The following SLIT2 variants were observed in gnomAD, a reference collection of about 807,000 sequenced individuals.
SLIT2 encodes the protein slit guidance ligand 2.
A neutral mutation model predicts 185.7 loss-of-function variants in SLIT2; 41 were observed. The observed-to-expected ratio is 0.22, with a 90% confidence interval of 0.17 to 0.29. The LOEUF is 0.29. SLIT2 is among the 10% of genes least tolerant of loss of function. The pLI is 1.00. For missense variants in SLIT2, 1,571 were observed against 1,909.0 expected, an observed-to-expected ratio of 0.82 and a Z score of 3.30; for synonymous variants, 693 against 680.2, an observed-to-expected ratio of 1.02 and a Z score of -0.29.
At chr4:20,397,434 C>G (rs1171510111) in intron 4 of SLIT2, among the ~76,000 whole-genome samples, 5 of 151,800 alleles carry the variant, frequency 3.3e-5, no homozygotes, top group Admixed American at 2.6e-4. Flanking sequence ...TAGTTCACTG[C>G]TTCTCAAAGC....
At chr4:20,297,535 A>T (rs1183339186) in intron 4 of SLIT2, among the ~76,000 whole-genome samples, 1 of 152,186 alleles carries the variant, frequency 6.6e-6, no homozygotes, top group Non-Finnish European at 1.5e-5. Context: ...GTGTTTTCTA[A>T]CCAGCAAAAT....
At chr4:20,593,932 C>G (rs1265027615) in intron 30 of SLIT2, among the ~76,000 whole-genome samples, 2 of 147,628 alleles carry the variant, frequency 1.4e-5, no homozygotes, top group Admixed American at 6.7e-5. Context: ...CACATATATA[C>G]ATACACTGCT....
chr4:20,326,074 T>G (rs1719560763), intron 4 of SLIT2, among the ~76,000 whole-genome samples: 2 of 152,112 alleles, frequency 1.3e-5, no homozygotes, highest in Non-Finnish European at 2.9e-5. Context: ...TTTTACTCTG[T>G]CTGTGCCCTT....
intron 9 of SLIT2, among the ~76,000 whole-genome samples, chr4:20,501,194 T>G (rs1718698301): frequency 6.6e-6 from 1 of 152,200 alleles, no homozygotes; most frequent in African/African-American, 2.4e-5. Flanking sequence ...AAAGAAAATA[T>G]TTTGGCTTCC....
At chr4:20,267,496 G>A (rs1193391316) in intron 3 of SLIT2, among the ~76,000 whole-genome samples, 2 of 151,872 alleles carry the variant, frequency 1.3e-5, no homozygotes, top group Non-Finnish European at 1.5e-5. Flanking sequence ...ATGGAAAGAA[G>A]TTCTGAAGTT....
Position 20,529,009 on chromosome 4 carries a change from A to G in SLIT2, c.1523A>G (p.Glu508Gly), listed in dbSNP as rs1721551521. The G allele has an allele frequency of 6.2e-7, 1 of 1,613,924 alleles. No homozygotes were observed. Among genetic ancestry groups the G allele is most frequent in the Non-Finnish European group, 8.5e-7 (1 of 1,179,894 alleles). ...GDCFADLACP[E>G]KCRCEGTTVD... is the part of the protein sequence containing the mutation. Reference sequence around the variant, plus strand: ...TGCTTTGCGGATCTGGCTTGCCCTGAAAAGTGTCGCTGTGAAGGAACCACA... The same window carrying G: ...TGCTTTGCGGATCTGGCTTGCCCTGGAAAGTGTCGCTGTGAAGGAACCACA... The change falls in exon 16 of 37, where the codon GAA becomes GGA. Residue 508 changes from glutamate (E) to glycine (G), a missense_variant. This residue lies in a region of SLIT2 where 1,202 missense variants were observed against 1,416.4 expected (regional missense o/e 0.85). Coordinates refer to ENST00000504154, the MANE Select transcript of SLIT2 (RefSeq NM_004787.4).
intron 4 of SLIT2, among the ~76,000 whole-genome samples, chr4:20,431,641 G>A (rs1728988170): frequency 6.6e-6 from 1 of 152,214 alleles, no homozygotes; most frequent in Non-Finnish European, 1.5e-5. Context: ...ATCTTCTACA[G>A]AGACAGAGAG....
At chr4:20,518,581 A>G (rs1318745199) in intron 11 of SLIT2, among the ~76,000 whole-genome samples, 1 of 23,204 alleles carries the variant, frequency 4.3e-5, no homozygotes, top group South Asian at 3.0e-3. Context: ...ATATATATAT[A>G]TATATATTTT....
At chr4:20,434,864 A>G (rs1301568555) in intron 4 of SLIT2, among the ~76,000 whole-genome samples, 1 of 152,250 alleles carries the variant, frequency 6.6e-6, no homozygotes, top group Non-Finnish European at 1.5e-5. Context: ...AGCAAGGTGC[A>G]TGTCAAAGTT....
Position 20,523,840 on chromosome 4 carries a change from A to G in SLIT2, c.1211A>G (p.Tyr404Cys). ...CACAACTTGAACCTTCTCTCCCTAT[A>G]TGACAACAAGCTTCAGACCATCGCC... is the stretch of plus-strand genomic sequence containing the variant. ...DLHNLNLLSLYDNKLQTIAKG... is the reference protein window; with the variant it reads ...DLHNLNLLSLCDNKLQTIAKG... The change falls in exon 13 of 37, where the codon TAT (tyrosine) becomes TGT (cysteine). Residue 404 changes from tyrosine to cysteine, a missense_variant. By Grantham distance (194) the Tyr-to-Cys change is radical. Coordinates refer to ENST00000504154, the MANE Select transcript of SLIT2 (RefSeq NM_004787.4). 6.2e-7 allele frequency: 1 copy of G among 1,614,044 alleles called. No homozygotes were observed. The highest frequency in any genetic ancestry group is 8.5e-7 in the Non-Finnish European group (1 of 1,179,908).
At chr4:20,527,881 C>G (rs1028715781) in intron 15 of SLIT2, among the ~76,000 whole-genome samples, 1 of 152,048 alleles carries the variant, frequency 6.6e-6, no homozygotes, top group Non-Finnish European at 1.5e-5. Context: ...GTAAAAGTGT[C>G]TGATCTGAAA....
At chr4:20,364,517 A>C (rs1397531028) in intron 4 of SLIT2, among the ~76,000 whole-genome samples, 1 of 152,124 alleles carries the variant, frequency 6.6e-6, no homozygotes, top group Non-Finnish European at 1.5e-5. Flanking sequence ...TCTAGTTCCT[A>C]CTTTTCATTA....
chr4:20,587,817 G>A (rs1405251540), intron 29 of SLIT2, among the ~76,000 whole-genome samples: 2 of 152,000 alleles, frequency 1.3e-5, no homozygotes, highest in Non-Finnish European at 2.9e-5. Context: ...GAATTGGGTT[G>A]GATTGTATCA....
intron 4 of SLIT2, among the ~76,000 whole-genome samples, chr4:20,427,858 A>G (rs1419426456): frequency 1.3e-5 from 2 of 152,042 alleles, no homozygotes; most frequent in African/African-American, 2.4e-5. Context: ...GTTGTTCTCT[A>G]TGCTTTTTAC....
At chr4:20,599,142 CAAT>C (rs1223427165) in intron 33 of SLIT2, among the ~76,000 whole-genome samples, 5 of 152,114 alleles carry the variant, frequency 3.3e-5, no homozygotes, top group African/African-American at 1.2e-4. Context: ...TGGATTCATA[CAAT>C]GTTGTCTTAG....
intron 4 of SLIT2, among the ~76,000 whole-genome samples, chr4:20,387,251 T>A (rs1335481477): frequency 6.6e-6 from 1 of 152,184 alleles, no homozygotes; most frequent in Non-Finnish European, 1.5e-5. Flanking sequence ...TCTAAAAGGA[T>A]GTAGTTTACG....
At chr4:20,429,434 A>G (rs994943644) in intron 4 of SLIT2, among the ~76,000 whole-genome samples, 1 of 152,156 alleles carries the variant, frequency 6.6e-6, no homozygotes, top group Non-Finnish European at 1.5e-5. Context: ...ACCCTATTCT[A>G]TTTCACAGTT....
intron 4 of SLIT2, among the ~76,000 whole-genome samples, chr4:20,282,098 T>C (rs893575728): frequency 6.6e-6 from 1 of 152,212 alleles, no homozygotes; most frequent in African/African-American, 2.4e-5. Context: ...TTCAAGTAAA[T>C]GTGACAGAGG....
chr4:20,502,643 G>A (rs1269337366), intron 9 of SLIT2, among the ~76,000 whole-genome samples: 1 of 152,184 alleles, frequency 6.6e-6, no homozygotes, highest in East Asian at 1.9e-4. Context: ...TTAGACATAA[G>A]AAGCTGCATG....
Sources: allele counts gnomAD v4.1 joint callset (sites outside exome capture counted in the v4.1 genomes callset), GRCh38; gene constraint gnomAD v4.1.1; regional missense constraint gnomAD v4.1.1; transcripts MANE v1.5; gene names NCBI Gene and HGNC (gene_info 2026-07-23, HGNC 2026-07-21).